Variants in PRKDC observed in about 807,000 individuals in gnomAD.
The protein encoded by PRKDC is DNA-dependent protein kinase catalytic subunit.
In PRKDC, 82 loss-of-function variants were observed where a neutral mutation model predicts 486.9. The ratio of observed to expected loss-of-function variants is 0.17; its 90% CI spans 0.14 to 0.20. The LOEUF is 0.20. Among genes scored for constraint, PRKDC ranks in the 10% least tolerant of loss-of-function variants. The probability of loss-of-function intolerance (pLI) is 1.00; values close to 1 mark genes in which losing one functional copy is unlikely to be tolerated. For synonymous variants in PRKDC, 1,895 were observed against 1,837.0 expected, an observed-to-expected ratio of 1.03 and a Z score of -0.81; for missense variants, 4,504 against 5,038.2, an observed-to-expected ratio of 0.89 and a Z score of 3.21.
intron 54 of PRKDC, among the ~76,000 whole-genome samples, chr8:47,841,650 C>G (rs1051430718): frequency 6.6e-6 from 1 of 152,192 alleles, no homozygotes; most frequent in Admixed American, 6.5e-5. Flanking sequence ...TTAAGCTCTG[C>G]TTAGAACACT....
chr8:47,816,759 C>T (rs984603873), intron 68 of PRKDC, among the ~76,000 whole-genome samples: 1 of 151,438 alleles, frequency 6.6e-6, no homozygotes, highest in Non-Finnish European at 1.5e-5. Flanking sequence ...GTTAAAGAAC[C>T]CAGGAGAGTA....
intron 7 of PRKDC, among the ~76,000 whole-genome samples, chr8:47,948,673 G>T (rs1169255197): frequency 2.0e-5 from 3 of 148,408 alleles, no homozygotes; most frequent in Non-Finnish European, 4.5e-5. Flanking sequence ...TGTTGGTCAG[G>T]CTGGTCTCGA....
chr8:47,939,652 GTTTATT>G lies in PRKDC; in HGVS notation c.1006_1011del (p.Asn336_Lys337del). On this transcript the variant is annotated inframe_deletion, in exon 11 of 86. Coordinates refer to ENST00000314191, the MANE Select transcript of PRKDC (RefSeq NM_006904.7). ...TAAAACTGCTCCATAAAGTACTGCA[GTTTATT>G]TTTATGCATTTCTGCATTTTTCGCC... is the stretch of plus-strand genomic sequence containing the variant. 1.2e-6 allele frequency: 2 copies of G among 1,609,860 alleles called. No individual in the cohort carries two copies. The highest frequency in any genetic ancestry group is 1.7e-6 in the Non-Finnish European group (2 of 1,178,186).
At chr8:47,811,306 T>C (rs2087320632) in intron 68 of PRKDC, among the ~76,000 whole-genome samples, 1 of 152,190 alleles carries the variant, frequency 6.6e-6, no homozygotes, top group Non-Finnish European at 1.5e-5. Context: ...TTATACATTC[T>C]GAGAAAGTGT....
At position 47,927,254 on chromosome 8, in the gene PRKDC, G is replaced by A. The variant is rs1475362075; in HGVS notation, c.2359C>T (p.Pro787Ser). The A allele has an allele frequency of 2.5e-6, 4 of 1,613,606 alleles. No individual in the cohort carries two copies. The Admixed American group carries it at 6.7e-5, about 27-fold the overall frequency. ...CAGGGGAGAATGTCTTTGTAATAAG[G>A]CTGCATTACATGTCTGTCAATATAA... ...SIYIDRHVMQ[P>S]YYKDILPCLD... is the part of the protein sequence containing the mutation. Residue 787 changes from proline (P) to serine (S), a missense_variant, in exon 21 of 86, where the codon CCT becomes TCT. Coordinates refer to ENST00000314191, the MANE Select transcript of PRKDC (RefSeq NM_006904.7).
chr8:47,798,502 T>G (rs531591550), intron 72 of PRKDC, 105 bp from the exon 73 acceptor site: 6 of 1,237,514 alleles, frequency 4.8e-6, no homozygotes, highest in Non-Finnish European at 6.5e-6. Flanking sequence ...TATTTTGTAG[T>G]GTCATTGTTC....
chr8:47,878,387 G>A (rs1482542311), intron 39 of PRKDC, among the ~76,000 whole-genome samples: 1 of 152,170 alleles, frequency 6.6e-6, no homozygotes, highest in African/African-American at 2.4e-5. Flanking sequence ...TTACAGGCGT[G>A]AGCCACTGTA....
At chr8:47,896,626 A>G (rs901704194) in intron 30 of PRKDC, among the ~76,000 whole-genome samples, 1 of 151,404 alleles carries the variant, frequency 6.6e-6, no homozygotes, top group Non-Finnish European at 1.5e-5. Flanking sequence ...CAGCCTGGGC[A>G]AAAGAGCGAG....
chr8:47,927,584 C>T (rs1227107837), intron 20 of PRKDC, among the ~76,000 whole-genome samples, 187 bp downstream of exon 20: 1 of 152,194 alleles, frequency 6.6e-6, no homozygotes, highest in African/African-American at 2.4e-5. Context: ...CATCGACCTC[C>T]AAGTGCAGTT....
rs889111459 is a variant in PRKDC at position 47,783,976 on chromosome 8, C to T, written c.11108-167G>A. 47 of 676,332 alleles carry T rather than the reference C, an allele frequency of 6.9e-5. No homozygotes were observed. In the Admixed American group the frequency reaches 8.5e-4, roughly 12 times the overall value. 41.9% of individuals were successfully genotyped at this position (676,332 alleles called of 1,614,324 possible). ...TGACTTTAAAAAAAATGTTATTTCTCGGCCGGGCACAGTGGCTCACGCCTG... is the reference window on the plus strand; with the variant it reads ...TGACTTTAAAAAAAATGTTATTTCTTGGCCGGGCACAGTGGCTCACGCCTG... On this transcript the variant is annotated intron_variant, in intron 77 of 85. Transcript: ENST00000314191.
intron 52 of PRKDC, among the ~76,000 whole-genome samples, chr8:47,850,271 C>G (rs1175331247): frequency 2.0e-5 from 3 of 152,222 alleles, no homozygotes; most frequent in Non-Finnish European, 4.4e-5. Context: ...CAAAGGCACA[C>G]AGACCGAACA....
At chr8:47,835,389 C>T (rs951987623) in intron 58 of PRKDC, among the ~76,000 whole-genome samples, 1 of 151,640 alleles carries the variant, frequency 6.6e-6, no homozygotes, top group Non-Finnish European at 1.5e-5. Flanking sequence ...ACAGGCTGGG[C>T]GTGGTGGCTC....
At chr8:47,816,483 C>T (rs996513652) in intron 68 of PRKDC, among the ~76,000 whole-genome samples, 5 of 152,128 alleles carry the variant, frequency 3.3e-5, no homozygotes, top group African/African-American at 1.2e-4. Context: ...AAGGACATTA[C>T]TGGGACAATT....
rs1317271776 is a variant in PRKDC, at chr8:47,859,648, T to C, written c.6170A>G (p.Gln2057Arg). Residue 2057 changes from glutamine to arginine, a missense_variant, in exon 46 of 86, where the codon CAA (glutamine) becomes CGA (arginine). This residue lies in a region of PRKDC where 1,592 missense variants were observed against 1,724.6 expected (regional missense o/e 0.92). Coordinates refer to ENST00000314191, the MANE Select transcript of PRKDC (RefSeq NM_006904.7). ...TGVQSYSYSSQDPRPATGRFR... is the reference protein window; with the variant it reads ...TGVQSYSYSSRDPRPATGRFR... ...ACGACCAGTGGCAGGTCTAGGGTCT[T>C]GGGAGCTGTATGAATAGCTCTGAAC... The C allele has an allele frequency of 1.2e-6, 2 of 1,613,998 alleles. No individual in the cohort carries two copies. The highest frequency in any genetic ancestry group is 1.1e-5 in the South Asian group (1 of 91,084).
At chr8:47,897,317 C>T in intron 29 of PRKDC, 23 bp from the exon 30 acceptor site, 1 of 1,531,722 alleles carries the variant, frequency 6.5e-7, no homozygotes, top group Non-Finnish European at 8.9e-7. Context: ...AGCATACTGT[C>T]ATTAGTCCCT....
chr8:47,888,571 C>A lies in PRKDC; in HGVS notation c.4360G>T (p.Ala1454Ser). The A allele has an allele frequency of 1.3e-6, 2 of 1,585,838 alleles. No individual in the cohort carries two copies. The change falls in exon 34 of 86, where the codon GCC becomes TCC. Residue 1454 changes from alanine to serine, a missense_variant. By Grantham distance (99) the Ala-to-Ser change is moderately conservative. Transcript: ENST00000314191. ...DRSRLAAVVS[A>S]CKQLHRAGLL... ...CCAGCTCTGTGAAGCTGTTTACAGG[C>A]AGACACAACAGCAGCCAGCCTGCTC...
chr8:47,958,513 T>C (rs1395354943), intron 1 of PRKDC, among the ~76,000 whole-genome samples: 2 of 152,166 alleles, frequency 1.3e-5, no homozygotes, highest in African/African-American at 2.4e-5. Context: ...ACTAATACAC[T>C]TCCCCTGGAA....
intron 21 of PRKDC, among the ~76,000 whole-genome samples, chr8:47,919,723 GT>G (rs200600818): frequency 0.1 from 13,287 of 126,946 alleles, 686 homozygotes; most frequent in Admixed American, 0.21. Flanking sequence ...GTTTTTAGTG[GT>G]TTTTTTTTTT....
intron 71 of PRKDC, 143 bp from the exon 72 acceptor site, chr8:47,799,533 C>A: frequency 1.2e-6 from 1 of 854,158 alleles, no homozygotes; most frequent in South Asian, 3.0e-5. Context: ...AAACAAGAGT[C>A]CACCCTGGCT....
Sources: allele counts gnomAD v4.1 joint callset (sites outside exome capture counted in the v4.1 genomes callset), GRCh38; gene constraint gnomAD v4.1.1; regional missense constraint gnomAD v4.1.1; transcripts MANE v1.5; gene names NCBI Gene and HGNC (gene_info 2026-07-23, HGNC 2026-07-21).